Variants in ATXN7L1 observed in about 807,000 individuals in gnomAD.
The protein encoded by ATXN7L1 is ataxin 7 like 1.
In ATXN7L1, 15 loss-of-function variants were observed where a neutral mutation model predicts 70.8. The observed-to-expected ratio is 0.21, with a 90% CI of 0.14 to 0.33. ATXN7L1 has a LOEUF of 0.33. ATXN7L1 is among the 10% of genes least tolerant of loss of function. ATXN7L1 has a pLI of 1.00. For missense variants in ATXN7L1, 975 were observed against 1,097.1 expected (o/e 0.89, Z 1.57); for synonymous variants, 440 against 445.1 (o/e 0.99, Z 0.14).
Position 105,614,855 on chromosome 7 carries a change from A to G in ATXN7L1, c.1518-39T>C, listed in dbSNP as rs1456670705. On this transcript the variant is annotated intron_variant, in intron 9 of 11. Coordinates refer to ENST00000419735, the MANE Select transcript of ATXN7L1 (RefSeq NM_020725.2). The surrounding 1 kb of genome is among the most constrained non-coding windows in gnomAD (Gnocchi z 4.3). ...AAGAGTGAAAGAGAATCAGTGAGACATCGGGTTGGCATTGCTCAGGAGGCT... is the reference window on the plus strand; with the variant it reads ...AAGAGTGAAAGAGAATCAGTGAGACGTCGGGTTGGCATTGCTCAGGAGGCT... 3.3e-6 allele frequency: 5 copies of G among 1,522,480 alleles called. No individual in the cohort carries two copies. In the South Asian group the frequency reaches 5.1e-5, roughly 15 times the overall value. The allele number at this position is 1,522,480 out of a possible 1,614,324, so 94.3% of individuals were successfully genotyped here.
At chr7:105,668,776 T>C (rs1467813851) in intron 3 of ATXN7L1, among the ~76,000 whole-genome samples, 1 of 152,138 alleles carries the variant, frequency 6.6e-6, no homozygotes. Context: ...TGGTGGCTCA[T>C]GCCTATAATC....
chr7:105,678,090 T>G, intron 3 of ATXN7L1: 1 of 720,710 alleles, frequency 1.4e-6, no homozygotes, highest in South Asian at 6.3e-5. Flanking sequence ...TACAGACACA[T>G]ACTTTTTTTT....
rs541533008 is a variant in ATXN7L1, at chr7:105,643,924, G to A, written c.579-803C>T. Among the ~76,000 whole-genome samples, 5 of 152,294 alleles carry A rather than the reference G, an allele frequency of 3.3e-5. No homozygotes were observed. The South Asian group carries it at 1.0e-3, about 32-fold the overall frequency. On this transcript the variant is annotated intron_variant, in intron 4 of 11. Coordinates refer to ENST00000419735, the MANE Select transcript of ATXN7L1 (RefSeq NM_020725.2). ...TTTCTCTTCTTCTTTAATGCTGAAG[G>A]ACCTGCGTCTGGGGGGCTGTGGAGA...
intron 4 of ATXN7L1, among the ~76,000 whole-genome samples, chr7:105,654,411 A>G (rs1335678428): frequency 6.6e-6 from 1 of 152,258 alleles, no homozygotes; most frequent in Non-Finnish European, 1.5e-5. Flanking sequence ...GTGGAGCCTG[A>G]GGCTGAGAAA....
At chr7:105,677,947 C>T in intron 3 of ATXN7L1, 1 of 985,412 alleles carries the variant, frequency 1.0e-6, no homozygotes, top group Non-Finnish European at 1.2e-6. Flanking sequence ...GCCACTCACC[C>T]CACAGACTGT....
intron 8 of ATXN7L1, among the ~76,000 whole-genome samples, chr7:105,620,689 G>C (rs537819015): frequency 2.6e-5 from 4 of 152,244 alleles, no homozygotes; most frequent in African/African-American, 9.6e-5. Context: ...GAGGTCAGGA[G>C]TTTGAGACCA....
Position 105,614,210 on chromosome 7 carries a change from G to A in ATXN7L1, c.2124C>T (p.Ser708=). 6.4e-7 allele frequency: 1 copy of A among 1,551,734 alleles called. No homozygotes were observed. Among genetic ancestry groups the A allele is most frequent in the Non-Finnish European group, 8.7e-7 (1 of 1,147,008 alleles). The change falls in exon 10 of 12, where the codon AGC becomes AGT. Residue 708 remains serine, a synonymous_variant. Coordinates refer to ENST00000419735, the MANE Select transcript of ATXN7L1 (RefSeq NM_020725.2). The surrounding 1 kb of genome is among the most constrained non-coding windows in gnomAD (Gnocchi z 4.3). ...LSVHNSNNGV[S]PLSAKLEPSG... ...AGGGCTCCAGTTTGGCACTGAGTGG[G>A]CTCACCCCATTGTTTGAGTTGTGCA...
intron 3 of ATXN7L1, among the ~76,000 whole-genome samples, chr7:105,721,587 G>A (rs1795191716): frequency 1.3e-5 from 2 of 152,226 alleles, no homozygotes; most frequent in Admixed American, 6.5e-5. Flanking sequence ...GGCTCTGGTC[G>A]GGGACAAGGG....
intron 3 of ATXN7L1, among the ~76,000 whole-genome samples, chr7:105,735,262 A>T (rs997572874): frequency 2.6e-5 from 4 of 152,204 alleles, no homozygotes; most frequent in African/African-American, 9.7e-5. Flanking sequence ...TTGTATAAAC[A>T]CTGCCAACCA....
intron 3 of ATXN7L1, among the ~76,000 whole-genome samples, chr7:105,775,806 C>A (rs1224933807): frequency 6.6e-6 from 1 of 152,190 alleles, no homozygotes; most frequent in Non-Finnish European, 1.5e-5. Context: ...TTGTTGCCCA[C>A]TGCATGTGGC....
At chr7:105,774,297 C>T (rs1646839015) in intron 3 of ATXN7L1, among the ~76,000 whole-genome samples, 1 of 152,022 alleles carries the variant, frequency 6.6e-6, no homozygotes, top group South Asian at 2.1e-4. Context: ...CAGGATGATG[C>T]CCAGAGCTGA....
rs474638 is a variant in ATXN7L1 at position 105,736,388 on chromosome 7, T to C, written c.355+52216A>G. On this transcript the variant is annotated intron_variant, in intron 3 of 11. Coordinates refer to ENST00000419735, the MANE Select transcript of ATXN7L1 (RefSeq NM_020725.2). ...CCCATTGGATTCTAGTGATGAAAAC[T>C]CTCTCTGGGTTTTCCTGGCCTTCTT... 2.3e-3 allele frequency among the ~76,000 whole-genome samples: 355 copies of C among 152,314 alleles called. 2 individuals are homozygous for C. The highest frequency in any genetic ancestry group is 7.9e-3 in the African/African-American group (327 of 41,570).
At chr7:105,646,533 T>C (rs2115952055) in intron 4 of ATXN7L1, among the ~76,000 whole-genome samples, 1 of 152,226 alleles carries the variant, frequency 6.6e-6, no homozygotes, top group East Asian at 1.9e-4. Context: ...TTCTCCTGTC[T>C]CAGCCTCCCA....
Position 105,607,403 on chromosome 7 carries a change from G to A in ATXN7L1, c.*449C>T, listed in dbSNP as rs781524422. ...AGTGAGGACCCAGAGAGTGGTAGAC[G>A]TAGGGATGGAAGGAATCGGGTGGAG... On this transcript the variant is annotated 3_prime_UTR_variant, in exon 12 of 12. Transcript: ENST00000419735. 2.9e-5 allele frequency: 5 copies of A among 173,508 alleles called. No homozygotes were observed. The highest frequency in any genetic ancestry group is 1.5e-4 in the East Asian group (1 of 6,568). The allele number at this position is 173,508 out of a possible 1,614,324, so 10.7% of individuals were successfully genotyped here.
chr7:105,740,326 G>A (rs1449364909), intron 3 of ATXN7L1, among the ~76,000 whole-genome samples: 3 of 152,214 alleles, frequency 2.0e-5, no homozygotes, highest in Non-Finnish European at 4.4e-5. Context: ...AAGGAGAAGA[G>A]AGGTTAGTGG....
intron 3 of ATXN7L1, among the ~76,000 whole-genome samples, chr7:105,680,074 TA>T (rs35358930): frequency 0.3 from 40,284 of 133,368 alleles, 5,303 homozygotes; most frequent in Admixed American, 0.35. Context: ...TGCCTTTTAG[TA>T]AAAAAAAAAA....
At chr7:105,753,732 C>T (rs1799467377) in intron 3 of ATXN7L1, among the ~76,000 whole-genome samples, 2 of 152,264 alleles carry the variant, frequency 1.3e-5, no homozygotes, top group South Asian at 4.1e-4. Context: ...ACAGCTAACT[C>T]ATCTTTCAGA....
intron 2 of ATXN7L1, among the ~76,000 whole-genome samples, chr7:105,853,739 G>A (rs1191008850): frequency 6.6e-6 from 1 of 152,086 alleles, no homozygotes; most frequent in African/African-American, 2.4e-5. Context: ...ACTCCAGCCT[G>A]GGCAACAGAG....
chr7:105,807,678 T>G (rs146280355), intron 2 of ATXN7L1, among the ~76,000 whole-genome samples: 1 of 152,170 alleles, frequency 6.6e-6, no homozygotes, highest in African/African-American at 2.4e-5. Context: ...GGAACCCTCA[T>G]GTGGAAAGCC....
Sources: allele counts gnomAD v4.1 joint callset (sites outside exome capture counted in the v4.1 genomes callset), GRCh38; gene constraint gnomAD v4.1.1; non-coding constraint Gnocchi (gnomAD v3.1); transcripts MANE v1.5; gene names NCBI Gene and HGNC (gene_info 2026-07-23, HGNC 2026-07-21).